THADA: variants seen among roughly 807,000 people sequenced by gnomAD.
THADA encodes the protein tRNA (32-2'-O)-methyltransferase regulator THADA.
A neutral mutation model predicts 219.8 loss-of-function variants in THADA; 213 were observed. That is an observed-to-expected ratio of 0.97 (90% CI 0.87 to 1.09). The LOEUF is 1.09. THADA is among the 50% of genes least tolerant of loss of function. THADA has a pLI of 0.00. For synonymous variants in THADA, 1,018 were observed against 828.9 expected (o/e 1.23, Z -3.92); for missense variants, 2,956 against 2,311.3 (o/e 1.28, Z -5.72).
intron 36 of THADA, among the ~76,000 whole-genome samples, chr2:43,270,504 C>A (rs905437023): frequency 3.3e-5 from 5 of 152,144 alleles, no homozygotes; most frequent in African/African-American, 1.2e-4. Context: ...TTCAATGCAC[C>A]CCTTTCTCTT....
At chr2:43,336,118 G>A (rs1462903791) in intron 30 of THADA, among the ~76,000 whole-genome samples, 1 of 151,702 alleles carries the variant, frequency 6.6e-6, no homozygotes, top group African/African-American at 2.4e-5. Flanking sequence ...AAGTTAGCCA[G>A]GTCCAGTGGC....
At chr2:43,570,262 A>C in intron 14 of THADA, 126 bp downstream of exon 14, 1 of 951,106 alleles carries the variant, frequency 1.1e-6, no homozygotes. Context: ...GGTAATACTC[A>C]GCTTGAAGGA....
At chr2:43,334,214 T>C (rs1666124024) in intron 30 of THADA, among the ~76,000 whole-genome samples, 1 of 151,264 alleles carries the variant, frequency 6.6e-6, no homozygotes, top group Non-Finnish European at 1.5e-5. Context: ...GGAGTATGGA[T>C]AGGGGGTGAC....
chr2:43,483,792 C>G (rs1382633274), intron 26 of THADA, among the ~76,000 whole-genome samples: 5 of 151,130 alleles, frequency 3.3e-5, no homozygotes, highest in Non-Finnish European at 7.4e-5. Flanking sequence ...AGAATCACTT[C>G]ATAAAAAACA....
At chr2:43,549,760 C>T (rs1167702711) in intron 19 of THADA, among the ~76,000 whole-genome samples, 1 of 151,328 alleles carries the variant, frequency 6.6e-6, no homozygotes, top group Non-Finnish European at 1.5e-5. Context: ...AAAAATGAAG[C>T]AGGCAACAGA....
intron 21 of THADA, among the ~76,000 whole-genome samples, chr2:43,533,480 G>A (rs1373439284): frequency 1.3e-5 from 2 of 152,086 alleles, no homozygotes; most frequent in East Asian, 1.9e-4. Flanking sequence ...CAAAGACTTG[G>A]AACCAACCCA....
At chr2:43,460,793 G>A (rs1203804914) in intron 26 of THADA, among the ~76,000 whole-genome samples, 2 of 152,202 alleles carry the variant, frequency 1.3e-5, no homozygotes, top group East Asian at 1.9e-4. Context: ...CAAACTGGTG[G>A]GGGAGAGCCC....
Position 43,567,757 on chromosome 2 carries a change from G to A in THADA, c.2188-936C>T, listed in dbSNP as rs144950557. 7.5e-4 allele frequency among the ~76,000 whole-genome samples: 114 copies of A among 152,330 alleles called. 1 individual carries two copies. The highest frequency in any genetic ancestry group is 2.7e-3 in the African/African-American group (113 of 41,574). On this transcript the variant is annotated intron_variant, in intron 14 of 37. Coordinates refer to ENST00000405975, the MANE Select transcript of THADA (RefSeq NM_022065.5). ...ATGCAGGGACCACATTTCTATGGTT[G>A]GATCCCTAGTGCTGAGCACACTATC...
chr2:43,378,400 T>C (rs924801214), intron 29 of THADA, among the ~76,000 whole-genome samples: 9 of 152,192 alleles, frequency 5.9e-5, no homozygotes, highest in African/African-American at 9.7e-5. Flanking sequence ...AATAAAGATA[T>C]TAGTTCATAT....
At chr2:43,233,129 A>G in intron 36 of THADA, 1 of 482,738 alleles carries the variant, frequency 2.1e-6, no homozygotes, top group South Asian at 3.2e-5. Flanking sequence ...TGTGGACAGA[A>G]GCAGTTCCAT....
chr2:43,538,753 T>C (rs1250733543), intron 21 of THADA, among the ~76,000 whole-genome samples: 1 of 152,216 alleles, frequency 6.6e-6, no homozygotes, highest in Admixed American at 6.5e-5. Context: ...CAGCTTCCTC[T>C]TGTCCAAGAG....
chr2:43,373,481 C>CTT (rs36010243), intron 29 of THADA, among the ~76,000 whole-genome samples: 4 of 146,972 alleles, frequency 2.7e-5, no homozygotes, highest in South Asian at 2.1e-4. Flanking sequence ...CAGTTGTTAA[C>CTT]TTTTTTTTTT....
At chr2:43,292,789 A>G in intron 32 of THADA, 45 bp downstream of exon 32, 1 of 1,575,652 alleles carries the variant, frequency 6.3e-7, no homozygotes, top group Non-Finnish European at 8.6e-7. Context: ...CTCACAAAAG[A>G]ATGTGGGGAG....
chr2:43,433,895 G>C (rs951426858), intron 26 of THADA, among the ~76,000 whole-genome samples: 1 of 152,138 alleles, frequency 6.6e-6, no homozygotes, highest in Non-Finnish European at 1.5e-5. Flanking sequence ...CACTATGTTG[G>C]CCAGGCTGGT....
chr2:43,309,913 A>G (rs915951403), intron 31 of THADA, among the ~76,000 whole-genome samples: 3 of 152,262 alleles, frequency 2.0e-5, no homozygotes, highest in Non-Finnish European at 4.4e-5. Flanking sequence ...GTAGCTCTAT[A>G]CAGTAGCAAT....
intron 29 of THADA, among the ~76,000 whole-genome samples, chr2:43,361,225 G>A (rs973768393): frequency 2.0e-5 from 3 of 152,196 alleles, no homozygotes; most frequent in African/African-American, 7.2e-5. Context: ...TCAAGACATA[G>A]CTGGTAGCCT....
chr2:43,390,114 C>A (rs1298062425), intron 29 of THADA, among the ~76,000 whole-genome samples: 1 of 152,140 alleles, frequency 6.6e-6, no homozygotes, highest in Non-Finnish European at 1.5e-5. Context: ...AAAGGTCATA[C>A]CAGAAAGCAG....
At chr2:43,524,061 T>C (rs184633976) in intron 22 of THADA, among the ~76,000 whole-genome samples, 58 of 152,306 alleles carry the variant, frequency 3.8e-4, no homozygotes, top group Non-Finnish European at 6.9e-4. Flanking sequence ...TTTATGACAT[T>C]AACAAACTTA....
At chr2:43,511,669 T>C (rs1419382892) in intron 22 of THADA, among the ~76,000 whole-genome samples, 1 of 95,466 alleles carries the variant, frequency 1.0e-5, no homozygotes, top group African/African-American at 4.8e-5. Context: ...CACCTCATAT[T>C]CCCAACTAAG....
Sources: allele counts gnomAD v4.1 joint callset (sites outside exome capture counted in the v4.1 genomes callset), GRCh38; gene constraint gnomAD v4.1.1; transcripts MANE v1.5; gene names NCBI Gene and HGNC (gene_info 2026-07-23, HGNC 2026-07-21).